The following BNC2 variants were observed in gnomAD, a reference collection of about 807,000 sequenced individuals.
The protein encoded by BNC2 is zinc finger protein basonuclin-2.
BNC2 carries 20 observed loss-of-function variants against 76.3 expected under a neutral mutation model. The observed-to-expected ratio is 0.26, with a 90% CI of 0.18 to 0.38. The LOEUF (loss-of-function observed/expected upper bound fraction) is 0.38, where lower values mean the gene tolerates loss of function less well. Ranked by LOEUF, BNC2 falls within the 10% of genes least tolerant of loss-of-function variation. BNC2 has a pLI of 1.00. For synonymous variants in BNC2, 582 were observed against 514.8 expected (o/e 1.13, Z -1.77); for missense variants, 1,382 against 1,399.8 (o/e 0.99, Z 0.20).
At chr9:16,597,994 T>C (rs1052651134) in intron 3 of BNC2, among the ~76,000 whole-genome samples, 1 of 152,168 alleles carries the variant, frequency 6.6e-6, no homozygotes, top group Non-Finnish European at 1.5e-5. Context: ...GTATATGTGC[T>C]TCTTGATGAA....
At chr9:16,740,090 C>T (rs1376369450) in intron 1 of BNC2, among the ~76,000 whole-genome samples, 2 of 152,228 alleles carry the variant, frequency 1.3e-5, no homozygotes, top group East Asian at 1.9e-4. Flanking sequence ...GAAGGAACAG[C>T]GTTAACAGGA....
chr9:16,870,434 G>C (rs1050100647), intron 1 of BNC2, among the ~76,000 whole-genome samples: 3 of 151,936 alleles, frequency 2.0e-5, no homozygotes, highest in South Asian at 2.1e-4. Flanking sequence ...GAAACTTGGG[G>C]CCAAGTTTAG....
intron 5 of BNC2, among the ~76,000 whole-genome samples, chr9:16,456,198 T>A (rs966032155): frequency 6.6e-6 from 1 of 152,190 alleles, no homozygotes; most frequent in Non-Finnish European, 1.5e-5. Context: ...AACATTTCAT[T>A]TTTTACTTGT....
intron 1 of BNC2, among the ~76,000 whole-genome samples, chr9:16,791,099 T>C (rs1219875315): frequency 3.3e-5 from 5 of 152,052 alleles, no homozygotes; most frequent in African/African-American, 1.2e-4. Context: ...TCTCACACTG[T>C]CGCCCAGGCT....
At chr9:16,580,432 T>A (rs371312501) in intron 4 of BNC2, among the ~76,000 whole-genome samples, 2 of 152,294 alleles carry the variant, frequency 1.3e-5, no homozygotes, top group African/African-American at 4.8e-5. Context: ...ATTAATATCC[T>A]AGAAACATAG....
intron 3 of BNC2, among the ~76,000 whole-genome samples, chr9:16,671,639 A>T (rs1822480949): frequency 6.6e-6 from 1 of 152,192 alleles, no homozygotes; most frequent in Non-Finnish European, 1.5e-5. Flanking sequence ...TACTCAGCTC[A>T]TTGAAGCCTG....
chr9:16,716,473 G>A, intron 3 of BNC2, among the ~76,000 whole-genome samples: 1 of 151,938 alleles, frequency 6.6e-6, no homozygotes, highest in Admixed American at 6.6e-5. Flanking sequence ...TTACATGAAA[G>A]CAATTGCAAG....
chr9:16,822,693 A>AT (rs1247511349), intron 1 of BNC2, among the ~76,000 whole-genome samples: 2 of 152,306 alleles, frequency 1.3e-5, no homozygotes, highest in South Asian at 2.1e-4. Flanking sequence ...TTCACATCAG[A>AT]TTTTTTTAAA....
rs61063092 is a variant in BNC2 at position 16,677,578 on chromosome 9, A to ACACACACACACACAC, written c.330+50218_330+50219insGTGTGTGTGTGTGTG. Among the ~76,000 whole-genome samples, 89 of 139,336 alleles carry ACACACACACACACAC rather than the reference A, an allele frequency of 6.4e-4. 1 individual carries two copies. The highest frequency in any genetic ancestry group is 2.2e-3 in the African/African-American group (79 of 35,516). The allele number at this position is 139,336 out of a possible 152,430, so 91.4% of individuals were successfully genotyped here. On this transcript the variant is annotated intron_variant, in intron 3 of 6. Transcript: ENST00000380672. The stretch of plus-strand genomic sequence containing the variant: ...ACAAAGCTAGACTTTGTCTCAAACA[A>ACACACACACACACAC]ACACACACACACACACACACACACA...
chr9:16,590,502 A>G (rs1477657876), intron 3 of BNC2, among the ~76,000 whole-genome samples: 2 of 152,014 alleles, frequency 1.3e-5, no homozygotes, highest in South Asian at 2.1e-4. Flanking sequence ...TTAAAAAAAG[A>G]AAATTTGTTC....
In BNC2 at chr9:16,428,231, A is replaced by C. The variant is rs374521759; in HGVS notation, c.2639+7324T>G. 2.6e-5 allele frequency among the ~76,000 whole-genome samples: 4 copies of C among 152,274 alleles called. No homozygotes were observed. The South Asian group carries it at 8.3e-4, about 32-fold the overall frequency. On this transcript the variant is annotated intron_variant, in intron 6 of 6. Coordinates refer to ENST00000380672, the MANE Select transcript of BNC2 (RefSeq NM_017637.6). ...AGCCAATTGCTTTAGAAGTCTGTAA[A>C]ACACAATTACGAGTGAGCGAACTGA...
chr9:16,665,386 AAGAGAG>A lies in BNC2; in HGVS notation c.330+62405_330+62410del, dbSNP rs55852227. ...CCTCTGTCTCAAAAAAAAAAAAAAA[AAGAGAG>A]AGAGAGAGAGAAAGAGAGAAAAGAA... On this transcript the variant is annotated intron_variant, in intron 3 of 6. Coordinates refer to ENST00000380672, the MANE Select transcript of BNC2 (RefSeq NM_017637.6). Among the ~76,000 whole-genome samples, 10 of 84,288 alleles carry A rather than the reference AAGAGAG, an allele frequency of 1.2e-4. No homozygotes were observed. In the South Asian group the frequency reaches 2.2e-3, roughly 19 times the overall value. The allele number at this position is 84,288 out of a possible 152,430, so 55.3% of individuals were successfully genotyped here.
intron 1 of BNC2, among the ~76,000 whole-genome samples, chr9:16,849,729 G>A (rs548502651): frequency 6.6e-6 from 1 of 152,088 alleles, no homozygotes; most frequent in East Asian, 1.9e-4. Flanking sequence ...CAACAACACA[G>A]ATTTTTCCAA....
chr9:16,851,782 G>C (rs1390161208), intron 1 of BNC2, among the ~76,000 whole-genome samples: 1 of 152,036 alleles, frequency 6.6e-6, no homozygotes, highest in Non-Finnish European at 1.5e-5. Flanking sequence ...TTAATCAAAA[G>C]CCCAGATCAC....
chr9:16,813,264 C>T (rs1244400907), intron 1 of BNC2, among the ~76,000 whole-genome samples: 1 of 151,196 alleles, frequency 6.6e-6, no homozygotes, highest in Non-Finnish European at 1.5e-5. Flanking sequence ...AGCAGAAAAA[C>T]CATTTTTTTT....
In BNC2 at chr9:16,419,191, C is replaced by T. The variant is rs1820655102; in HGVS notation, c.3098G>A (p.Gly1033Asp). ...LMFSSLSGSN[G>D]GIMCNICHKM... ...GTGGCAAATGTTGCACATGATCCCA[C>T]CATTGCTCCCAGACAAGCTGCTGAA... Residue 1033 changes from glycine (G) to aspartate (D), a missense_variant, in exon 7 of 7, where the codon GGT becomes GAT. By Grantham distance (94) the Gly-to-Asp change is moderately conservative (BLOSUM62 -1). Around this residue, in one of 3 missense-constraint regions of BNC2, gnomAD observed 798 missense variants for 775.5 expected, o/e 1.03. Coordinates refer to ENST00000380672, the MANE Select transcript of BNC2 (RefSeq NM_017637.6). The T allele has an allele frequency of 1.2e-6, 2 of 1,614,210 alleles. No homozygotes were observed. The highest frequency in any genetic ancestry group is 2.2e-5 in the East Asian group (1 of 44,856).
chr9:16,796,643 A>T (rs1298490360), intron 1 of BNC2, among the ~76,000 whole-genome samples: 1 of 140,268 alleles, frequency 7.1e-6, no homozygotes, highest in African/African-American at 2.8e-5. Context: ...GGGAAAGGAA[A>T]GGAAAGAGAA....
At chr9:16,827,228 C>G (rs1227650381) in intron 1 of BNC2, among the ~76,000 whole-genome samples, 1 of 152,166 alleles carries the variant, frequency 6.6e-6, no homozygotes, top group Non-Finnish European at 1.5e-5. Context: ...GTAATTGAAG[C>G]CCTACAAGGC....
chr9:16,486,736 T>A (rs1255319901), intron 5 of BNC2, among the ~76,000 whole-genome samples: 1 of 152,144 alleles, frequency 6.6e-6, no homozygotes, highest in African/African-American at 2.4e-5. Context: ...CAATTTTTTT[T>A]TTTGGTAGAG....
Sources: allele counts gnomAD v4.1 joint callset (sites outside exome capture counted in the v4.1 genomes callset), GRCh38; gene constraint gnomAD v4.1.1; regional missense constraint gnomAD v4.1.1; transcripts MANE v1.5; gene names NCBI Gene and HGNC (gene_info 2026-07-23, HGNC 2026-07-21).